The following RCAN2 variants were observed in gnomAD, a reference collection of about 807,000 sequenced individuals.
RCAN2 encodes the protein regulator of calcineurin 2, also known as calcipressin-2.
Under a neutral mutation model 23.6 loss-of-function variants are expected in RCAN2, and 9 were observed. The ratio of observed to expected loss-of-function variants is 0.38; its 90% CI spans 0.23 to 0.67. The LOEUF (loss-of-function observed/expected upper bound fraction) is 0.67. Ranked by LOEUF, RCAN2 falls within the 30% of genes least tolerant of loss-of-function variation. RCAN2 has a pLI of 0.51. For missense variants in RCAN2, 273 were observed against 302.3 expected, an observed-to-expected ratio of 0.90 and a Z score of 0.72; for synonymous variants, 109 against 115.7, an observed-to-expected ratio of 0.94 and a Z score of 0.37.
chr6:46,263,495 ATGTGTGTATG>A (rs1561833945), intron 2 of RCAN2, among the ~76,000 whole-genome samples: 25 of 69,846 alleles, frequency 3.6e-4, no homozygotes, highest in Middle Eastern at 7.9e-3. Context: ...GTGTGTGTGT[ATGTGTGTATG>A]TGTGTGTATG....
intron 2 of RCAN2, among the ~76,000 whole-genome samples, chr6:46,282,700 C>G (rs1193381306): frequency 6.6e-6 from 1 of 152,092 alleles, no homozygotes; most frequent in East Asian, 1.9e-4. Flanking sequence ...AATGATGGCC[C>G]CATAAGTAAT....
At chr6:46,236,762 G>A (rs1224019862) in intron 4 of RCAN2, among the ~76,000 whole-genome samples, 1 of 152,174 alleles carries the variant, frequency 6.6e-6, no homozygotes, top group Non-Finnish European at 1.5e-5. Flanking sequence ...TTAAAGGCAA[G>A]CATCTATCCT....
At chr6:46,485,508 G>A (rs1411435540) in intron 1 of RCAN2, among the ~76,000 whole-genome samples, 1 of 152,036 alleles carries the variant, frequency 6.6e-6, no homozygotes, top group Non-Finnish European at 1.5e-5. Context: ...AAGCACATAT[G>A]TCCAAGAAAA....
intron 4 of RCAN2, among the ~76,000 whole-genome samples, chr6:46,230,162 G>C (rs1316221682): frequency 6.6e-6 from 1 of 152,190 alleles, no homozygotes; most frequent in African/African-American, 2.4e-5. Context: ...GGGGCACCTG[G>C]CTGTATGAGG....
At chr6:46,305,349 C>T (rs1220253294) in intron 2 of RCAN2, among the ~76,000 whole-genome samples, 1 of 152,000 alleles carries the variant, frequency 6.6e-6, no homozygotes. Flanking sequence ...CCACAGAATC[C>T]AGCAGATAGT....
At chr6:46,302,438 A>C (rs1337490428) in intron 2 of RCAN2, among the ~76,000 whole-genome samples, 1 of 152,100 alleles carries the variant, frequency 6.6e-6, no homozygotes, top group Non-Finnish European at 1.5e-5. Flanking sequence ...CCAGATCACC[A>C]GAGTGACCCT....
At chr6:46,286,306 A>T (rs894890885) in intron 2 of RCAN2, among the ~76,000 whole-genome samples, 1 of 152,134 alleles carries the variant, frequency 6.6e-6, no homozygotes, top group East Asian at 1.9e-4. Context: ...TTCTCTCCAT[A>T]AATCCTTTTT....
intron 2 of RCAN2, among the ~76,000 whole-genome samples, chr6:46,322,136 C>A (rs1214037398): frequency 6.6e-6 from 1 of 152,210 alleles, no homozygotes; most frequent in African/African-American, 2.4e-5. Flanking sequence ...CGTTACCAAT[C>A]TCTTGGATCT....
chr6:46,281,852 A>C (rs953636883), intron 2 of RCAN2, among the ~76,000 whole-genome samples: 1 of 55,436 alleles, frequency 1.8e-5, no homozygotes, highest in Non-Finnish European at 4.7e-5. Context: ...TAATGAAACT[A>C]AGGCTTATAA....
At chr6:46,330,038 C>T (rs1763915252) in intron 2 of RCAN2, among the ~76,000 whole-genome samples, 1 of 152,078 alleles carries the variant, frequency 6.6e-6, no homozygotes, top group Non-Finnish European at 1.5e-5. Context: ...TTCTGTATGG[C>T]CTTCTGGATC....
In RCAN2 at chr6:46,363,610, A is replaced by G. The variant is rs1765080326; in HGVS notation, c.225+93142T>C. Among the ~76,000 whole-genome samples the G allele has an allele frequency of 2.0e-5, 3 of 152,162 alleles. No individual in the cohort carries two copies. The South Asian group carries it at 6.2e-4, about 32-fold the overall frequency. On this transcript the variant is annotated intron_variant, in intron 2 of 4. Transcript: ENST00000371374. The stretch of plus-strand genomic sequence containing the variant: ...ATAACCTGTTCTTAATTATGAAAGC[A>G]TCTAGGAGCTCAGCCCTGAAACAAA...
At position 46,223,230 on chromosome 6, in the gene RCAN2, T is replaced by C. The variant is rs758484418; in HGVS notation, c.643A>G (p.Ile215Val). 2 of 1,614,042 alleles carry C rather than the reference T, an allele frequency of 1.2e-6. No homozygotes were observed. The highest frequency in any genetic ancestry group is 2.2e-5 in the South Asian group (2 of 91,068). The change falls in exon 5 of 5, where the codon ATA becomes GTA. Residue 215 changes from isoleucine to valine, a missense_variant. Ile to Val is a conservative substitution (Grantham distance 29, BLOSUM62 3). Coordinates refer to ENST00000371374, the MANE Select transcript of RCAN2 (RefSeq NM_001251974.2). ...GTCTTTGGGTCCTCTTCTTCCTCTA[T>C]GTCACTGTCGCACACGTGCACGACG... ...SVVVHVCDSD[I>V]EEEEDPKTSP...
chr6:46,302,280 G>A (rs1328985908), intron 2 of RCAN2, among the ~76,000 whole-genome samples: 3 of 152,078 alleles, frequency 2.0e-5, no homozygotes, highest in African/African-American at 2.4e-5. Context: ...TTGGGGGCAG[G>A]AGGGAACCTC....
At chr6:46,431,213 A>G (rs1436404080) in intron 2 of RCAN2, among the ~76,000 whole-genome samples, 1 of 151,566 alleles carries the variant, frequency 6.6e-6, no homozygotes, top group East Asian at 1.9e-4. Flanking sequence ...AAAAAAAAAA[A>G]CTATTTTTTG....
intron 2 of RCAN2, among the ~76,000 whole-genome samples, chr6:46,276,521 CA>C (rs1321316439): frequency 1.3e-5 from 2 of 152,142 alleles, no homozygotes; most frequent in Non-Finnish European, 2.9e-5. Flanking sequence ...CTGCACTGGC[CA>C]AAACATAAAG....
At chr6:46,315,053 C>G (rs1205226803) in intron 2 of RCAN2, among the ~76,000 whole-genome samples, 1 of 152,208 alleles carries the variant, frequency 6.6e-6, no homozygotes, top group African/African-American at 2.4e-5. Flanking sequence ...AGAGCCAGAT[C>G]TTGTCTCAAA....
intron 2 of RCAN2, among the ~76,000 whole-genome samples, chr6:46,440,833 A>C (rs78944737): frequency 0.035 from 5,299 of 152,292 alleles, 121 homozygotes; most frequent in Middle Eastern, 0.054. Context: ...TATCACGTGA[A>C]CCTTATATGG....
intron 2 of RCAN2, among the ~76,000 whole-genome samples, chr6:46,373,314 G>A (rs1239386681): frequency 6.6e-6 from 1 of 151,996 alleles, no homozygotes; most frequent in Non-Finnish European, 1.5e-5. Flanking sequence ...GCCCAGGCTG[G>A]TGTGCAGTGG....
At chr6:46,419,072 A>G (rs1036590020) in intron 2 of RCAN2, among the ~76,000 whole-genome samples, 1 of 152,170 alleles carries the variant, frequency 6.6e-6, no homozygotes, top group African/African-American at 2.4e-5. Flanking sequence ...TGTGCTCTTC[A>G]GGCCGTGTGC....
Sources: gnomAD v4.1 joint callset for allele counts (sites outside exome capture counted in the v4.1 genomes callset) on GRCh38, gnomAD v4.1.1 for gene constraint, MANE v1.5 for transcripts, NCBI Gene and HGNC (gene_info 2026-07-23, HGNC 2026-07-21) for gene names.